PLXNA4: variants seen among roughly 807,000 people sequenced by gnomAD.
PLXNA4 encodes plexin A4.
A neutral mutation model predicts 191.8 loss-of-function variants in PLXNA4; 44 were observed. The observed-to-expected ratio is 0.23, with a 90% CI of 0.18 to 0.29. The LOEUF is 0.29. Ranked by LOEUF, PLXNA4 falls within the 10% of genes least tolerant of loss-of-function variation. The pLI is 1.00. For synonymous variants in PLXNA4, 1,082 were observed against 1,009.5 expected (o/e 1.07, Z -1.36); for missense variants, 1,800 against 2,488.8 (o/e 0.72, Z 5.89).
chr7:132,308,026 C>G (rs1010971271), intron 3 of PLXNA4, among the ~76,000 whole-genome samples: 1 of 152,044 alleles, frequency 6.6e-6, no homozygotes, highest in Non-Finnish European at 1.5e-5. Flanking sequence ...ATGTCCAAAC[C>G]AAAAAGAAAC....
intron 29 of PLXNA4, among the ~76,000 whole-genome samples, chr7:132,143,081 G>A (rs544014182): frequency 3.0e-4 from 45 of 149,796 alleles, no homozygotes; most frequent in African/African-American, 1.1e-3. Context: ...ATTTAAAAGA[G>A]AAGAGGTAGG....
intron 2 of PLXNA4, among the ~76,000 whole-genome samples, chr7:132,618,698 T>C (rs1050906316): frequency 6.6e-6 from 1 of 152,232 alleles, no homozygotes; most frequent in Non-Finnish European, 1.5e-5. Context: ...AGAAGGTTTA[T>C]GTTGGGAGGA....
At chr7:132,603,345 G>A (rs1181619630) in intron 2 of PLXNA4, among the ~76,000 whole-genome samples, 1 of 152,114 alleles carries the variant, frequency 6.6e-6, no homozygotes, top group African/African-American at 2.4e-5. Flanking sequence ...TGGTTTATAA[G>A]GTCACCAGAA....
chr7:132,206,125 A>T (rs1419227601), intron 10 of PLXNA4, among the ~76,000 whole-genome samples: 1 of 152,192 alleles, frequency 6.6e-6, no homozygotes, highest in Non-Finnish European at 1.5e-5. Context: ...TGAGCAGATA[A>T]TCCAAGTCTT....
chr7:132,238,715 C>A (rs1245224087), intron 5 of PLXNA4, among the ~76,000 whole-genome samples: 2 of 152,128 alleles, frequency 1.3e-5, no homozygotes, highest in Non-Finnish European at 2.9e-5. Flanking sequence ...AGCAGGAGTA[C>A]CTGCCACTTA....
chr7:132,203,504 T>A, intron 10 of PLXNA4, 85 bp from the exon 11 acceptor site: 2 of 1,202,030 alleles, frequency 1.7e-6, no homozygotes, highest in Non-Finnish European at 1.2e-6. Context: ...CCTACGGCCG[T>A]TAAGAGCTCA....
Position 132,489,354 on chromosome 7 carries a change from C to A in PLXNA4, c.1309G>T (p.Ala437Ser). Reference protein sequence around the residue: ...EDRDRMTSVIAYVYKNHSLAF... With the variant: ...EDRDRMTSVISYVYKNHSLAF... ...AGAGAGTGGTTCTTGTAGACATATG[C>A]GATGACAGACGTCATGCGGTCCCTG... The change falls in exon 3 of 32, where the codon GCA becomes TCA. Residue 437 changes from alanine to serine, a missense_variant. Coordinates refer to ENST00000321063, the MANE Select transcript of PLXNA4 (RefSeq NM_020911.2). 6.2e-7 allele frequency: 1 copy of A among 1,605,800 alleles called. No individual in the cohort carries two copies. The highest frequency in any genetic ancestry group is 8.5e-7 in the Non-Finnish European group (1 of 1,173,062).
intron 3 of PLXNA4, among the ~76,000 whole-genome samples, chr7:132,450,737 T>C (rs1048845458): frequency 6.6e-6 from 1 of 152,204 alleles, no homozygotes; most frequent in Non-Finnish European, 1.5e-5. Context: ...CCAGGACTCC[T>C]AGCCCCCTTA....
At chr7:132,249,942 C>T (rs982801830) in intron 4 of PLXNA4, among the ~76,000 whole-genome samples, 5 of 152,198 alleles carry the variant, frequency 3.3e-5, no homozygotes, top group Non-Finnish European at 5.9e-5. Context: ...CAATTGGTCT[C>T]AGCACAGCCT....
chr7:132,569,335 ACC>A (rs1441924034), intron 1 of PLXNA4, among the ~76,000 whole-genome samples: 2 of 151,982 alleles, frequency 1.3e-5, no homozygotes, highest in Non-Finnish European at 2.9e-5. Flanking sequence ...CCGGGATCTC[ACC>A]CCTCAATAAA....
chr7:132,168,847 C>T (rs377334204), intron 21 of PLXNA4, among the ~76,000 whole-genome samples: 49 of 152,332 alleles, frequency 3.2e-4, no homozygotes, highest in Middle Eastern at 3.4e-3. Flanking sequence ...CTGCCGGACT[C>T]CAGAGCTCTT....
chr7:132,598,432 G>T (rs1456495193), intron 2 of PLXNA4, among the ~76,000 whole-genome samples: 2 of 152,204 alleles, frequency 1.3e-5, no homozygotes, highest in African/African-American at 4.8e-5. Flanking sequence ...TTATTGGCAT[G>T]AGATTTTCCA....
At chr7:132,507,458 C>A (rs1293058782) in intron 2 of PLXNA4, 48 bp downstream of exon 2, 2 of 1,549,506 alleles carry the variant, frequency 1.3e-6, no homozygotes, top group Non-Finnish European at 1.7e-6. Flanking sequence ...CTGGGGTTCT[C>A]ATCCTACACT....
chr7:132,172,921 G>A (rs143588949), intron 21 of PLXNA4, among the ~76,000 whole-genome samples: 6 of 152,284 alleles, frequency 3.9e-5, no homozygotes, highest in African/African-American at 7.2e-5. Flanking sequence ...ATATGGGAAT[G>A]TTCAGACATA....
At chr7:132,215,136 C>T (rs1797925194) in intron 9 of PLXNA4, among the ~76,000 whole-genome samples, 1 of 152,188 alleles carries the variant, frequency 6.6e-6, no homozygotes, top group South Asian at 2.1e-4. Flanking sequence ...CTCTGGGCTT[C>T]ACATCTTAGG....
At chr7:132,518,440 G>A (rs1370481794) in intron 1 of PLXNA4, among the ~76,000 whole-genome samples, 7 of 152,210 alleles carry the variant, frequency 4.6e-5, no homozygotes, top group Non-Finnish European at 7.3e-5. Flanking sequence ...CAGGGGCCAT[G>A]GGAGCCCTCC....
intron 30 of PLXNA4, 116 bp downstream of exon 30, chr7:132,140,483 T>G: frequency 7.0e-7 from 1 of 1,429,284 alleles, no homozygotes; most frequent in African/African-American, 1.4e-5. Flanking sequence ...GGATTAGGCT[T>G]TGTGAATGAC....
At chr7:132,542,739 A>C (rs1800137168) in intron 1 of PLXNA4, among the ~76,000 whole-genome samples, 1 of 152,164 alleles carries the variant, frequency 6.6e-6, no homozygotes, top group Non-Finnish European at 1.5e-5. Context: ...TACTTCATTA[A>C]TTATCTCTTC....
intron 4 of PLXNA4, among the ~76,000 whole-genome samples, chr7:132,278,982 T>TA (rs1288986931): frequency 6.6e-6 from 1 of 152,222 alleles, no homozygotes; most frequent in Non-Finnish European, 1.5e-5. Context: ...GCTGGCTCTG[T>TA]ACCACATTGT....
Sources: gnomAD v4.1 joint callset for allele counts (sites outside exome capture counted in the v4.1 genomes callset) on GRCh38, gnomAD v4.1.1 for gene constraint, MANE v1.5 for transcripts, NCBI Gene and HGNC (gene_info 2026-07-23, HGNC 2026-07-21) for gene names.